The following PARD3B variants were observed in gnomAD, a reference collection of about 807,000 sequenced individuals.
PARD3B encodes the protein par-3 family cell polarity regulator beta.
Under a neutral mutation model 130.2 loss-of-function variants are expected in PARD3B, and 103 were observed. The ratio of observed to expected loss-of-function variants is 0.79; its 90% CI spans 0.67 to 0.93. PARD3B has a LOEUF of 0.93. Among genes scored for constraint, PARD3B ranks in the 40% least tolerant of loss-of-function variants. PARD3B has a pLI of 0.00. For missense variants in PARD3B, 1,609 were observed against 1,499.2 expected, an observed-to-expected ratio of 1.07 and a Z score of -1.21; for synonymous variants, 583 against 553.2, an observed-to-expected ratio of 1.05 and a Z score of -0.76.
chr2:204,962,204 G>A (rs1409218225), intron 2 of PARD3B, among the ~76,000 whole-genome samples: 2 of 152,140 alleles, frequency 1.3e-5, no homozygotes, highest in African/African-American at 4.8e-5. Context: ...GGAAATGCCA[G>A]CACTGCAGTA....
chr2:205,478,203 ACTGAGG>A (rs989724235), intron 20 of PARD3B, among the ~76,000 whole-genome samples: 39 of 152,186 alleles, frequency 2.6e-4, no homozygotes, highest in African/African-American at 9.2e-4. Flanking sequence ...CTTGAAGTAA[ACTGAGG>A]CTGAATTTCT....
chr2:205,383,100 A>AT (rs1367799616), intron 18 of PARD3B, among the ~76,000 whole-genome samples: 1 of 142,032 alleles, frequency 7.0e-6, no homozygotes, highest in Non-Finnish European at 1.5e-5. Context: ...AGATAGATAG[A>AT]TAGATAGATA....
At chr2:205,200,849 A>C (rs1214192573) in intron 15 of PARD3B, among the ~76,000 whole-genome samples, 1 of 152,226 alleles carries the variant, frequency 6.6e-6, no homozygotes, top group East Asian at 1.9e-4. Flanking sequence ...TATGTCCTAA[A>C]GTCAGGTTAA....
At chr2:204,687,978 G>T (rs113375582) in intron 2 of PARD3B, among the ~76,000 whole-genome samples, 1 of 152,094 alleles carries the variant, frequency 6.6e-6, no homozygotes, top group Non-Finnish European at 1.5e-5. Flanking sequence ...CACATTTAGA[G>T]CATTCTTTTA....
intron 3 of PARD3B, among the ~76,000 whole-genome samples, chr2:205,042,431 T>A (rs1338637347): frequency 6.6e-6 from 1 of 152,174 alleles, no homozygotes; most frequent in Non-Finnish European, 1.5e-5. Context: ...TTTTCCTGAA[T>A]GTGGTATAAG....
intron 3 of PARD3B, among the ~76,000 whole-genome samples, chr2:204,986,717 C>A (rs1043693803): frequency 1.3e-5 from 2 of 152,168 alleles, no homozygotes; most frequent in Non-Finnish European, 2.9e-5. Context: ...GTGATAGCAG[C>A]TAGAAGAGTA....
intron 20 of PARD3B, among the ~76,000 whole-genome samples, chr2:205,474,291 G>T (rs1253411266): frequency 6.6e-6 from 1 of 151,938 alleles, no homozygotes. Flanking sequence ...GATTTAATTG[G>T]CTATTATTAA....
chr2:205,036,984 AAC>A (rs1177009424), intron 3 of PARD3B, among the ~76,000 whole-genome samples: 1 of 150,582 alleles, frequency 6.6e-6, no homozygotes, highest in Non-Finnish European at 1.5e-5. Flanking sequence ...ATATATAAAA[AAC>A]ATATATAGCG....
intron 19 of PARD3B, among the ~76,000 whole-genome samples, chr2:205,401,514 C>T (rs554777381): frequency 4.6e-5 from 7 of 152,162 alleles, no homozygotes; most frequent in African/African-American, 9.6e-5. Context: ...TTTTATTCTG[C>T]GCAATCCGTT....
At chr2:204,674,062 T>C (rs186695413) in intron 1 of PARD3B, among the ~76,000 whole-genome samples, 1 of 152,302 alleles carries the variant, frequency 6.6e-6, no homozygotes, top group Non-Finnish European at 1.5e-5. Context: ...CTGTTTCTCA[T>C]TGTCTTCATT....
rs377610580 is a variant in PARD3B, at chr2:205,525,974, G to A, written c.3180+25943G>A. 5.9e-5 allele frequency among the ~76,000 whole-genome samples: 9 copies of A among 152,268 alleles called. No homozygotes were observed. The highest frequency in any genetic ancestry group is 5.8e-4 in the East Asian group (3 of 5,180). ...CACCCCCACCCTGCCCTTGCTTCTC[G>A]CAGGGTCTGGGGCTCCATGTCCTTA... On this transcript the variant is annotated intron_variant, in intron 21 of 22. Transcript: ENST00000406610. The surrounding 1 kb of genome is among the most constrained non-coding windows in gnomAD (Gnocchi z 4.2).
At chr2:204,783,800 A>T (rs541650554) in intron 2 of PARD3B, among the ~76,000 whole-genome samples, 30 of 152,200 alleles carry the variant, frequency 2.0e-4, no homozygotes, top group South Asian at 6.2e-4. Flanking sequence ...ATCCTTACCT[A>T]TTAGCTATTC....
chr2:205,464,576 A>T (rs1019986449), intron 20 of PARD3B, among the ~76,000 whole-genome samples: 1 of 152,334 alleles, frequency 6.6e-6, no homozygotes, highest in Admixed American at 6.5e-5. Context: ...ACTTGTAAGG[A>T]AGTTTATTCT....
chr2:205,046,021 C>G (rs904828066), intron 3 of PARD3B, among the ~76,000 whole-genome samples: 9 of 152,022 alleles, frequency 5.9e-5, no homozygotes, highest in African/African-American at 1.9e-4. Flanking sequence ...TGGAAATAAA[C>G]CAGAGTTCTT....
chr2:205,385,309 T>C (rs1245998968), intron 18 of PARD3B, among the ~76,000 whole-genome samples: 1 of 152,144 alleles, frequency 6.6e-6, no homozygotes, highest in Non-Finnish European at 1.5e-5. Flanking sequence ...CCCCTTCTCT[T>C]GCTACCTGAT....
chr2:204,834,309 G>C (rs2043949450), intron 2 of PARD3B, among the ~76,000 whole-genome samples: 1 of 152,146 alleles, frequency 6.6e-6, no homozygotes, highest in Non-Finnish European at 1.5e-5. Flanking sequence ...ACAGAATACA[G>C]ACTCAATACA....
At chr2:204,934,373 G>T (rs1688251586) in intron 2 of PARD3B, among the ~76,000 whole-genome samples, 2 of 152,192 alleles carry the variant, frequency 1.3e-5, no homozygotes, top group Non-Finnish European at 2.9e-5. Flanking sequence ...AACACTGCTA[G>T]TTTCGGGGGG....
chr2:204,841,583 G>A (rs537677320), intron 2 of PARD3B, among the ~76,000 whole-genome samples: 16 of 152,090 alleles, frequency 1.1e-4, no homozygotes, highest in Non-Finnish European at 2.2e-4. Flanking sequence ...TTTTATATCT[G>A]AAGATGCAGG....
chr2:204,559,533 A>T (rs1169819345), intron 1 of PARD3B, among the ~76,000 whole-genome samples: 1 of 152,212 alleles, frequency 6.6e-6, no homozygotes, highest in Admixed American at 6.5e-5. Flanking sequence ...AAAAGTCAGG[A>T]AACAACAGAT....
Sources: gnomAD v4.1 joint callset for allele counts (sites outside exome capture counted in the v4.1 genomes callset) on GRCh38, gnomAD v4.1.1 for gene constraint, Gnocchi (gnomAD v3.1) non-coding constraint, MANE v1.5 for transcripts, NCBI Gene and HGNC (gene_info 2026-07-23, HGNC 2026-07-21) for gene names.